PTPRT: variants seen among roughly 807,000 people sequenced by gnomAD.
PTPRT encodes the protein receptor-type tyrosine-protein phosphatase T.
A neutral mutation model predicts 176.8 loss-of-function variants in PTPRT; 56 were observed. The observed-to-expected ratio is 0.32, with a 90% CI of 0.26 to 0.40. The LOEUF (loss-of-function observed/expected upper bound fraction) is 0.40, where lower values mean the gene tolerates loss of function less well. PTPRT is among the 10% of genes least tolerant of loss of function. PTPRT has a pLI of 1.00. For missense variants in PTPRT, 1,540 were observed against 1,908.2 expected, an observed-to-expected ratio of 0.81 and a Z score of 3.60; for synonymous variants, 783 against 739.0, an observed-to-expected ratio of 1.06 and a Z score of -0.96.
At chr20:42,574,515 G>T (rs2073221734) in intron 7 of PTPRT, among the ~76,000 whole-genome samples, 1 of 152,172 alleles carries the variant, frequency 6.6e-6, no homozygotes, top group Non-Finnish European at 1.5e-5. Context: ...GCCTCCAAAA[G>T]AGACAGTGCA....
At chr20:42,449,119 A>AT (rs1301678948) in intron 8 of PTPRT, among the ~76,000 whole-genome samples, 1 of 152,222 alleles carries the variant, frequency 6.6e-6, no homozygotes, top group African/African-American at 2.4e-5. Context: ...TGAATCCAAC[A>AT]TGAACTATGT....
chr20:42,119,570 A>G (rs577859898), intron 20 of PTPRT, among the ~76,000 whole-genome samples: 56 of 152,324 alleles, frequency 3.7e-4, no homozygotes, highest in African/African-American at 1.3e-3. Context: ...TCGTGGAGAT[A>G]AGGCACCATC....
At chr20:42,352,426 GT>G (rs1276227219) in intron 9 of PTPRT, 141 bp from the exon 10 acceptor site, 1 of 742,970 alleles carries the variant, frequency 1.3e-6, no homozygotes, top group East Asian at 2.6e-5. Flanking sequence ...TAAGCTGCCT[GT>G]TGCTGTCCAC....
chr20:42,755,237 G>A (rs895549372), intron 6 of PTPRT, among the ~76,000 whole-genome samples: 4 of 152,150 alleles, frequency 2.6e-5, no homozygotes, highest in East Asian at 1.9e-4. Context: ...AGCCAGCATA[G>A]AGAATCCCAG....
intron 1 of PTPRT, among the ~76,000 whole-genome samples, chr20:42,922,544 C>G (rs1568682149): frequency 6.6e-6 from 1 of 152,236 alleles, no homozygotes; most frequent in Non-Finnish European, 1.5e-5. Context: ...CTTCTCCAAA[C>G]CCGTTCCTCT....
At chr20:42,546,239 G>A (rs1019573986) in intron 7 of PTPRT, among the ~76,000 whole-genome samples, 10 of 152,142 alleles carry the variant, frequency 6.6e-5, no homozygotes, top group African/African-American at 1.4e-4. Context: ...GCGCAGCCAC[G>A]TGGTGGAAGA....
chr20:42,716,488 T>C (rs990917696), intron 6 of PTPRT, among the ~76,000 whole-genome samples: 21 of 152,222 alleles, frequency 1.4e-4, no homozygotes, highest in African/African-American at 4.1e-4. Context: ...GATTTTCATT[T>C]CTCTGATGAC....
chr20:42,458,769 T>C (rs1247369184), intron 8 of PTPRT, among the ~76,000 whole-genome samples: 3 of 152,206 alleles, frequency 2.0e-5, no homozygotes, highest in African/African-American at 7.2e-5. Context: ...CTGATTTCTA[T>C]GGTAAATGAT....
chr20:42,206,390 A>G (rs1045003629), intron 15 of PTPRT, among the ~76,000 whole-genome samples: 2 of 152,178 alleles, frequency 1.3e-5, no homozygotes, highest in African/African-American at 4.8e-5. Context: ...CTCACTAGGG[A>G]GTGCCAGACA....
At chr20:42,178,846 TC>T in intron 16 of PTPRT, among the ~76,000 whole-genome samples, 1 of 152,298 alleles carries the variant, frequency 6.6e-6, no homozygotes, top group Middle Eastern at 3.4e-3. Context: ...GCTGGGCATC[TC>T]CCTCGATTTC....
chr20:42,284,890 A>C (rs1221196482), intron 12 of PTPRT, among the ~76,000 whole-genome samples: 1 of 151,916 alleles, frequency 6.6e-6, no homozygotes, highest in Non-Finnish European at 1.5e-5. Context: ...TTCATATAAA[A>C]TCTTCACACA....
intron 7 of PTPRT, among the ~76,000 whole-genome samples, chr20:42,619,692 C>T (rs1167708393): frequency 7.3e-6 from 1 of 136,676 alleles, no homozygotes; most frequent in Non-Finnish European, 1.5e-5. Context: ...TCATTCATTT[C>T]ATCTTTCATT....
At chr20:43,010,298 G>T (rs1018308875) in intron 1 of PTPRT, among the ~76,000 whole-genome samples, 1 of 151,922 alleles carries the variant, frequency 6.6e-6, no homozygotes, top group East Asian at 1.9e-4. Context: ...GATGATCATT[G>T]GTAAGGCTTC....
chr20:43,088,609 T>G (rs2011702932), intron 1 of PTPRT, among the ~76,000 whole-genome samples: 1 of 152,128 alleles, frequency 6.6e-6, no homozygotes, highest in African/African-American at 2.4e-5. Flanking sequence ...CTGACTCTAC[T>G]GCCCTAGAGA....
At chr20:42,713,429 G>A (rs1050774567) in intron 6 of PTPRT, among the ~76,000 whole-genome samples, 7 of 152,062 alleles carry the variant, frequency 4.6e-5, no homozygotes, top group African/African-American at 1.7e-4. Flanking sequence ...TCCTCCTGGA[G>A]CCCACTACCC....
chr20:42,604,634 C>T (rs1208141744), intron 7 of PTPRT, among the ~76,000 whole-genome samples: 1 of 152,146 alleles, frequency 6.6e-6, no homozygotes, highest in African/African-American at 2.4e-5. Flanking sequence ...TGCACACATC[C>T]ACTAGGGAGC....
intron 1 of PTPRT, among the ~76,000 whole-genome samples, chr20:43,096,198 GTCTC>G (rs935612404): frequency 1.4e-5 from 2 of 148,026 alleles, no homozygotes; most frequent in East Asian, 2.1e-4. Flanking sequence ...CACTCTCTCT[GTCTC>G]TCTGTTTTCC....
intron 25 of PTPRT, among the ~76,000 whole-genome samples, chr20:42,103,384 C>T (rs967637862): frequency 2.0e-5 from 3 of 152,330 alleles, no homozygotes; most frequent in South Asian, 2.1e-4. Flanking sequence ...GGGCCAGGTC[C>T]GAGATTCTGC....
chr20:42,578,523 A>G (rs1428894868), intron 7 of PTPRT, among the ~76,000 whole-genome samples: 4 of 152,104 alleles, frequency 2.6e-5, no homozygotes, highest in African/African-American at 9.7e-5. Flanking sequence ...ATCTTCCCCA[A>G]TAAACCTGCT....
Sources: gnomAD v4.1 joint callset for allele counts (sites outside exome capture counted in the v4.1 genomes callset) on GRCh38, gnomAD v4.1.1 for gene constraint, MANE v1.5 for transcripts, NCBI Gene and HGNC (gene_info 2026-07-23, HGNC 2026-07-21) for gene names.